SMAP1: variants seen among roughly 807,000 people sequenced by gnomAD.
SMAP1 encodes stromal membrane-associated protein 1.
SMAP1 carries 24 observed loss-of-function variants against 58.5 expected under a neutral mutation model. The ratio of observed to expected loss-of-function variants is 0.41; its 90% CI spans 0.30 to 0.58. The LOEUF (loss-of-function observed/expected upper bound fraction) is 0.58. SMAP1 is among the 20% of genes least tolerant of loss of function. The pLI, the probability that SMAP1 is intolerant of heterozygous loss-of-function variation, is 0.29. For missense variants in SMAP1, 563 were observed against 566.3 expected (o/e 0.99, Z 0.06); for synonymous variants, 216 against 196.6 (o/e 1.10, Z -0.82).
intron 1 of SMAP1, among the ~76,000 whole-genome samples, chr6:70,720,716 A>C (rs1037799892): frequency 6.6e-6 from 1 of 152,134 alleles, no homozygotes; most frequent in Non-Finnish European, 1.5e-5. Flanking sequence ...GAAGCTGCCA[A>C]GGTTTGGGGC....
chr6:70,780,766 C>A (rs753080506), intron 4 of SMAP1, among the ~76,000 whole-genome samples: 6 of 152,156 alleles, frequency 3.9e-5, no homozygotes, highest in African/African-American at 7.2e-5. Context: ...TTTCCCCTTG[C>A]GCCATGCTGT....
At chr6:70,708,789 T>G (rs1182076999) in intron 1 of SMAP1, among the ~76,000 whole-genome samples, 1 of 152,230 alleles carries the variant, frequency 6.6e-6, no homozygotes, top group Non-Finnish European at 1.5e-5. Flanking sequence ...ATTCAGGTCC[T>G]TTGCCCGTTT....
intron 10 of SMAP1, 181 bp downstream of exon 10, chr6:70,858,410 AATG>A (rs1335462644): frequency 1.8e-6 from 1 of 548,008 alleles, no homozygotes; most frequent in African/African-American, 2.0e-5. Flanking sequence ...CAGATAGACA[AATG>A]ATGTGTTATT....
chr6:70,844,971 C>G (rs114810823), intron 7 of SMAP1, among the ~76,000 whole-genome samples: 1 of 152,150 alleles, frequency 6.6e-6, no homozygotes. Flanking sequence ...AGTGCTGTTT[C>G]CACTTTAATT....
intron 5 of SMAP1, among the ~76,000 whole-genome samples, 161 bp from the exon 6 acceptor site, chr6:70,798,496 G>A (rs1768702550): frequency 6.6e-6 from 1 of 151,662 alleles, no homozygotes; most frequent in South Asian, 2.1e-4. Flanking sequence ...ACCTCAATGA[G>A]AATATGAATT....
intron 3 of SMAP1, among the ~76,000 whole-genome samples, chr6:70,769,843 A>T (rs1228478628): frequency 1.3e-5 from 2 of 152,104 alleles, no homozygotes; most frequent in African/African-American, 4.8e-5. Flanking sequence ...GTTTCTTCCT[A>T]GCCTTGAAGG....
chr6:70,766,178 C>T (rs758968620), intron 3 of SMAP1, among the ~76,000 whole-genome samples: 2 of 152,120 alleles, frequency 1.3e-5, no homozygotes, highest in East Asian at 1.9e-4. Flanking sequence ...CAAGTCTTTG[C>T]TATTGTGAAT....
chr6:70,789,992 T>C lies in SMAP1; in HGVS notation c.415-1697T>C, dbSNP rs1768273536. Among the ~76,000 whole-genome samples the C allele has an allele frequency of 1.3e-5, 2 of 152,190 alleles. 1 individual carries two copies. Among genetic ancestry groups the C allele is most frequent in the South Asian group, 4.1e-4 (2 of 4,836 alleles). On this transcript the variant is annotated intron_variant, in intron 4 of 10. Transcript: ENST00000370455. ...GGACAAGCACTTATATAATGAATTA[T>C]CTTGCTGCTTTCTAAGGATTAGTAA...
At chr6:70,833,892 G>A (rs1224085439) in intron 6 of SMAP1, among the ~76,000 whole-genome samples, 10 of 151,962 alleles carry the variant, frequency 6.6e-5, no homozygotes, top group Admixed American at 2.0e-4. Context: ...TCTTATTCTC[G>A]CCTTAGTGTT....
intron 10 of SMAP1, chr6:70,858,589 T>A (rs1771549372): frequency 6.1e-6 from 1 of 164,472 alleles, no homozygotes; most frequent in South Asian, 1.8e-4. Context: ...TCCAGCTTGC[T>A]GGTGGGACAT....
chr6:70,763,375 A>G (rs1031000813), intron 3 of SMAP1, among the ~76,000 whole-genome samples: 2 of 152,174 alleles, frequency 1.3e-5, no homozygotes, highest in Non-Finnish European at 2.9e-5. Flanking sequence ...TAACAAAATT[A>G]TAACATAAAT....
At chr6:70,788,657 A>G (rs531247892) in intron 4 of SMAP1, among the ~76,000 whole-genome samples, 2 of 152,262 alleles carry the variant, frequency 1.3e-5, no homozygotes, top group East Asian at 1.9e-4. Context: ...AAAGGCCCCT[A>G]GAGTTCAGAG....
At chr6:70,769,530 C>T (rs888435211) in intron 3 of SMAP1, among the ~76,000 whole-genome samples, 9 of 152,134 alleles carry the variant, frequency 5.9e-5, no homozygotes, top group African/African-American at 2.2e-4. Context: ...CTCTTTTGAT[C>T]TGTGTTGGTT....
chr6:70,788,768 A>C (rs565670018), intron 4 of SMAP1, among the ~76,000 whole-genome samples: 2 of 152,176 alleles, frequency 1.3e-5, no homozygotes, highest in East Asian at 3.9e-4. Flanking sequence ...GGTAGAGATG[A>C]CACTTGTGGC....
chr6:70,861,985 G>T lies in SMAP1; in HGVS notation c.*1651G>T. The T allele has an allele frequency of 2.6e-6, 4 of 1,545,864 alleles. No homozygotes were observed. Among genetic ancestry groups the T allele is most frequent in the East Asian group, 2.3e-5 (1 of 43,892 alleles). The stretch of plus-strand genomic sequence containing the variant: ...TGAAGACTTACAGCAAATCCTTTGT[G>T]AAAAATAAAAAAAAAAAAGAGACTT... On this transcript the variant is annotated 3_prime_UTR_variant, in exon 11 of 11. Transcript: ENST00000370455.
At chr6:70,676,962 T>G (rs1031091786) in intron 1 of SMAP1, among the ~76,000 whole-genome samples, 5 of 151,824 alleles carry the variant, frequency 3.3e-5, no homozygotes, top group Non-Finnish European at 7.4e-5. Flanking sequence ...AAAAAAATTT[T>G]TTTGTTGGGT....
Position 70,852,569 on chromosome 6 carries a change from G to A in SMAP1, c.694G>A (p.Gly232Arg), listed in dbSNP as rs1771228590. ...DGPAVAPVTNGNTTVPPLNDD... is the reference protein window; with the variant it reads ...DGPAVAPVTNRNTTVPPLNDD... ...CCCTGCTGTGGCACCAGTGACCAAC[G>A]GGAACACAACGGTGCCACCCCTGAA... Residue 232 changes from glycine to arginine, a missense_variant, in exon 8 of 11, where the codon GGG (glycine) becomes AGG (arginine). Transcript: ENST00000370455. The A allele has an allele frequency of 2.5e-6, 4 of 1,603,926 alleles. No individual in the cohort carries two copies. Among genetic ancestry groups the A allele is most frequent in the Non-Finnish European group, 3.4e-6 (4 of 1,175,138 alleles).
At chr6:70,768,762 CTGATT>C (rs1767125828) in intron 3 of SMAP1, among the ~76,000 whole-genome samples, 1 of 152,094 alleles carries the variant, frequency 6.6e-6, no homozygotes, top group South Asian at 2.1e-4. Context: ...CAGTTCTGCT[CTGATT>C]TTAGTTATTT....
intron 4 of SMAP1, among the ~76,000 whole-genome samples, chr6:70,789,211 A>G (rs1035169911): frequency 6.6e-6 from 1 of 152,182 alleles, no homozygotes; most frequent in Non-Finnish European, 1.5e-5. Flanking sequence ...ATATAATAAA[A>G]GGTAGATATT....
Sources: allele counts gnomAD v4.1 joint callset (sites outside exome capture counted in the v4.1 genomes callset), GRCh38; gene constraint gnomAD v4.1.1; transcripts MANE v1.5; gene names NCBI Gene and HGNC (gene_info 2026-07-23, HGNC 2026-07-21).